The following PHLPP1 variants were observed in gnomAD, a reference collection of about 807,000 sequenced individuals.
PHLPP1 encodes PH domain leucine-rich repeat-containing protein phosphatase 1.
Under a neutral mutation model 117.2 loss-of-function variants are expected in PHLPP1, and 42 were observed. That is an observed-to-expected ratio of 0.36 (90% CI 0.28 to 0.46). The LOEUF is 0.46. PHLPP1 is among the 20% of genes least tolerant of loss of function. The probability of loss-of-function intolerance (pLI) is 1.00; values close to 1 mark genes in which losing one functional copy is unlikely to be tolerated. For synonymous variants in PHLPP1, 1,042 were observed against 970.7 expected, an observed-to-expected ratio of 1.07 and a Z score of -1.37; for missense variants, 2,084 against 2,241.9, an observed-to-expected ratio of 0.93 and a Z score of 1.42.
chr18:62,896,047 G>A, intron 6 of PHLPP1, 36 bp downstream of exon 6: 1 of 1,349,034 alleles, frequency 7.4e-7, no homozygotes, highest in Non-Finnish European at 1.1e-6. Flanking sequence ...CATTTGAGTG[G>A]CTGGCTTATA....
chr18:62,950,403 G>GA (rs1466246212), intron 12 of PHLPP1, among the ~76,000 whole-genome samples: 1 of 152,204 alleles, frequency 6.6e-6, no homozygotes, highest in East Asian at 1.9e-4. Context: ...CAGCTAGAGA[G>GA]AAAACCACAA....
chr18:62,776,760 C>T (rs1409221671), intron 1 of PHLPP1, among the ~76,000 whole-genome samples: 4 of 152,072 alleles, frequency 2.6e-5, no homozygotes, highest in Admixed American at 2.6e-4. Flanking sequence ...CAGGTACCCG[C>T]CACCACACCC....
At chr18:62,746,426 G>A (rs770964858) in intron 1 of PHLPP1, among the ~76,000 whole-genome samples, 129 of 152,192 alleles carry the variant, frequency 8.5e-4, no homozygotes, top group Non-Finnish European at 8.5e-4. Context: ...GACTTACTTC[G>A]GCAATTTGCT....
intron 7 of PHLPP1, among the ~76,000 whole-genome samples, chr18:62,903,921 G>C (rs1345661444): frequency 2.0e-5 from 3 of 152,190 alleles, no homozygotes; most frequent in Non-Finnish European, 2.9e-5. Flanking sequence ...AAAAAGAAAA[G>C]GTAGTATGGG....
intron 1 of PHLPP1, among the ~76,000 whole-genome samples, chr18:62,785,437 A>G (rs914478769): frequency 6.6e-6 from 1 of 152,172 alleles, no homozygotes; most frequent in African/African-American, 2.4e-5. Context: ...TAGAGAAATA[A>G]GGCTGGTTTC....
chr18:62,957,169 A>G (rs910709935), intron 12 of PHLPP1, among the ~76,000 whole-genome samples: 4 of 152,210 alleles, frequency 2.6e-5, no homozygotes, highest in African/African-American at 7.2e-5. Flanking sequence ...TGTTGTATCT[A>G]GAGCGCTGAC....
intron 13 of PHLPP1, among the ~76,000 whole-genome samples, chr18:62,960,018 ACT>A: frequency 6.6e-6 from 1 of 152,354 alleles, no homozygotes; most frequent in South Asian, 2.1e-4. Context: ...TCTTTAAGGT[ACT>A]TTTTAAGATC....
At chr18:62,816,196 A>C (rs1914268929) in intron 1 of PHLPP1, among the ~76,000 whole-genome samples, 1 of 152,224 alleles carries the variant, frequency 6.6e-6, no homozygotes, top group South Asian at 2.1e-4. Context: ...ACAAAAATTA[A>C]GGCTCTTGAA....
chr18:62,755,530 A>G (rs1236934224), intron 1 of PHLPP1, among the ~76,000 whole-genome samples: 3 of 152,142 alleles, frequency 2.0e-5, no homozygotes, highest in Non-Finnish European at 4.4e-5. Flanking sequence ...CATGAATAGG[A>G]TTAGTGCCCT....
chr18:62,756,982 C>G (rs1417040963), intron 1 of PHLPP1, among the ~76,000 whole-genome samples: 1 of 152,162 alleles, frequency 6.6e-6, no homozygotes, highest in Non-Finnish European at 1.5e-5. Context: ...AGACTTTTGT[C>G]TCTAGAGGTG....
chr18:62,716,751 CG>C lies in PHLPP1; in HGVS notation c.1069del (p.Glu357ArgfsTer101). 1 of 1,519,194 alleles carries C rather than the reference CG, an allele frequency of 6.6e-7. No homozygotes were observed. The highest frequency in any genetic ancestry group is 8.8e-7 in the Non-Finnish European group (1 of 1,139,020). The allele number at this position is 1,519,194 out of a possible 1,614,324, so 94.1% of individuals were successfully genotyped here. A position where few individuals can be genotyped will look rare whatever the true frequency, so the allele number is the denominator to read the frequency against. On this transcript the variant is annotated frameshift_variant, in exon 1 of 17. Transcript: ENST00000262719. LOFTEE classifies it high-confidence loss of function. This position sits in a 1 kb window ranked among gnomAD's most constrained non-coding sequence, Gnocchi z 5.7. ...TESFSLSPSA[E>X]SVSDRLDPYS... ...AGAGCTTCAGTCTGAGTCCCAGCGC[CG>C]AGAGCGTGTCTGACCGGTTGGACCC...
chr18:62,814,482 T>C (rs1479529723), intron 1 of PHLPP1, among the ~76,000 whole-genome samples: 1 of 152,218 alleles, frequency 6.6e-6, no homozygotes, highest in Non-Finnish European at 1.5e-5. Flanking sequence ...ATTTAATTCA[T>C]TCTTTCTGTC....
intron 1 of PHLPP1, chr18:62,779,514 T>C (rs1359651884): frequency 6.6e-6 from 1 of 152,212 alleles, no homozygotes; most frequent in East Asian, 1.9e-4. Flanking sequence ...ATGTCATCTG[T>C]ATCATCATCC....
At position 62,717,032 on chromosome 18, in the gene PHLPP1, C is replaced by A; in HGVS notation, c.1349C>A (p.Ser450Tyr). ...GCCGTGGCCCCGGGAGGCCTCCAGT[C>A]TACCCCCGGGAGGAGCGGGGTGACC... ...AAAVAPGGLQ[S>Y]TPGRSGVTAE... is the part of the protein sequence containing the mutation. The change falls in exon 1 of 17, where the codon TCT becomes TAT. Residue 450 changes from serine to tyrosine, a missense_variant. Ser to Tyr is a moderately radical substitution (Grantham distance 144, BLOSUM62 -2). Coordinates refer to ENST00000262719, the MANE Select transcript of PHLPP1 (RefSeq NM_194449.4). 6.5e-7 allele frequency: 1 copy of A among 1,545,964 alleles called. No homozygotes were observed. The highest frequency in any genetic ancestry group is 2.4e-5 in the East Asian group (1 of 40,860).
chr18:62,720,649 C>A (rs939960657), intron 1 of PHLPP1, among the ~76,000 whole-genome samples: 1 of 152,034 alleles, frequency 6.6e-6, no homozygotes, highest in African/African-American at 2.4e-5. Context: ...GCGGTTCGAA[C>A]GTGTGACACC....
chr18:62,969,124 C>G (rs1276443397), intron 14 of PHLPP1, among the ~76,000 whole-genome samples: 1 of 151,878 alleles, frequency 6.6e-6, no homozygotes, highest in Non-Finnish European at 1.5e-5. Flanking sequence ...CCAGGCTGAT[C>G]TTAAACTCCT....
intron 12 of PHLPP1, among the ~76,000 whole-genome samples, chr18:62,956,634 A>T (rs1568173873): frequency 6.6e-6 from 1 of 152,158 alleles, no homozygotes; most frequent in Non-Finnish European, 1.5e-5. Flanking sequence ...AGGAAAAAAA[A>T]ACAGAATGCT....
intron 3 of PHLPP1, among the ~76,000 whole-genome samples, chr18:62,841,924 G>A (rs1036885515): frequency 3.3e-5 from 5 of 152,104 alleles, no homozygotes; most frequent in Non-Finnish European, 5.9e-5. Flanking sequence ...GGGGTCAAGA[G>A]TTTGAGTTTC....
At chr18:62,804,315 G>A (rs1346795312) in intron 1 of PHLPP1, among the ~76,000 whole-genome samples, 5 of 152,162 alleles carry the variant, frequency 3.3e-5, no homozygotes, top group Non-Finnish European at 7.4e-5. Context: ...GATTTATGAT[G>A]AGATTTGGGT....
Sources: gnomAD v4.1 joint callset for allele counts (sites outside exome capture counted in the v4.1 genomes callset) on GRCh38, gnomAD v4.1.1 for gene constraint, Gnocchi (gnomAD v3.1) non-coding constraint, MANE v1.5 for transcripts, NCBI Gene and HGNC (gene_info 2026-07-23, HGNC 2026-07-21) for gene names.